The following MON2 variants were observed in gnomAD, a reference collection of about 807,000 sequenced individuals.
The protein encoded by MON2 is protein MON2 homolog.
A neutral mutation model predicts 208.6 loss-of-function variants in MON2; 84 were observed. The ratio of observed to expected loss-of-function variants is 0.40; its 90% CI spans 0.34 to 0.48. The LOEUF is 0.48. Among genes scored for constraint, MON2 ranks in the 20% least tolerant of loss-of-function variants. MON2 has a pLI of 0.59. For synonymous variants in MON2, 660 were observed against 694.0 expected (o/e 0.95, Z 0.77); for missense variants, 1,611 against 2,015.4 (o/e 0.80, Z 3.84).
chr12:62,501,226 T>C (rs999644232), intron 6 of MON2, among the ~76,000 whole-genome samples: 7 of 152,350 alleles, frequency 4.6e-5, no homozygotes, highest in African/African-American at 1.7e-4. Context: ...GATTTTTACA[T>C]CACTTGTCAT....
Position 62,560,743 on chromosome 12 carries a change from G to A in MON2, c.3662G>A (p.Arg1221Lys). The change falls in exon 26 of 35, where the codon AGA (arginine) becomes AAA (lysine). Residue 1221 changes from arginine (R) to lysine (K), a missense_variant. By Grantham distance (26) the Arg-to-Lys change is conservative. Coordinates refer to ENST00000393630, the MANE Select transcript of MON2 (RefSeq NM_015026.3). ...RTDSIGEKLG[R>K]YSSSEPPIVT... is the part of the protein sequence containing the mutation. ...GATTCCATTGGAGAAAAACTAGGAA[G>A]ATATAGTAGCTCTGAGCCACCCATT... 1 of 1,614,186 alleles carries A rather than the reference G, an allele frequency of 6.2e-7. No individual in the cohort carries two copies. The highest frequency in any genetic ancestry group is 8.5e-7 in the Non-Finnish European group (1 of 1,180,028).
At position 62,536,098 on chromosome 12, in the gene MON2, C is replaced by T. The variant is rs191722848; in HGVS notation, c.1900+389C>T. Among the ~76,000 whole-genome samples, 5 of 152,020 alleles carry T rather than the reference C, an allele frequency of 3.3e-5. No individual in the cohort carries two copies. The East Asian group carries it at 9.7e-4, about 29-fold the overall frequency. ...TCTGAAATCGGAAACAGTTGTGATC[C>T]TAAGCATTTCGGATAAGGGATACTC... On this transcript the variant is annotated intron_variant, in intron 14 of 34. Transcript: ENST00000393630.
intron 1 of MON2, among the ~76,000 whole-genome samples, chr12:62,470,152 C>A (rs1478648747): frequency 6.6e-6 from 1 of 152,044 alleles, no homozygotes; most frequent in Middle Eastern, 3.2e-3. Flanking sequence ...GGCAATCTGT[C>A]CACCTCCTAC....
chr12:62,551,954 C>T (rs1470947465), intron 23 of MON2, among the ~76,000 whole-genome samples: 1 of 152,144 alleles, frequency 6.6e-6, no homozygotes, highest in Non-Finnish European at 1.5e-5. Flanking sequence ...ATTCAACCAA[C>T]TATAAATAGA....
At chr12:62,549,196 A>T (rs2073631765) in intron 22 of MON2, among the ~76,000 whole-genome samples, 1 of 152,154 alleles carries the variant, frequency 6.6e-6, no homozygotes, top group African/African-American at 2.4e-5. Flanking sequence ...TTAAGTAAGC[A>T]TGTCTTTTTT....
intron 7 of MON2, among the ~76,000 whole-genome samples, chr12:62,505,468 A>G (rs2071050206): frequency 2.6e-5 from 4 of 152,332 alleles, no homozygotes; most frequent in Admixed American, 2.6e-4. Context: ...ATGAGCATAT[A>G]CAAGAGACTG....
At chr12:62,487,251 C>G (rs2069854399) in intron 2 of MON2, among the ~76,000 whole-genome samples, 1 of 152,012 alleles carries the variant, frequency 6.6e-6, no homozygotes, top group South Asian at 2.1e-4. Context: ...CTTAATCTTA[C>G]ATTTATTATA....
chr12:62,480,049 T>C (rs1022956478), intron 1 of MON2, among the ~76,000 whole-genome samples: 4 of 152,134 alleles, frequency 2.6e-5, no homozygotes, highest in African/African-American at 9.7e-5. Context: ...CAATAATCAT[T>C]GATAGTGAAA....
intron 1 of MON2, among the ~76,000 whole-genome samples, chr12:62,469,166 G>A (rs1196860543): frequency 1.4e-5 from 2 of 138,292 alleles, no homozygotes; most frequent in East Asian, 2.1e-4. Flanking sequence ...CTGGTCTCCT[G>A]AACTGGGTTC....
intron 1 of MON2, among the ~76,000 whole-genome samples, chr12:62,474,827 T>G (rs1246865475): frequency 2.0e-5 from 3 of 152,222 alleles, no homozygotes; most frequent in Non-Finnish European, 4.4e-5. Flanking sequence ...CCTACTTTAG[T>G]CATATTTGGC....
chr12:62,505,845 C>T (rs564144462), intron 7 of MON2, among the ~76,000 whole-genome samples: 1 of 152,086 alleles, frequency 6.6e-6, no homozygotes, highest in Admixed American at 6.5e-5. Flanking sequence ...GAGCCATGAT[C>T]ATACCACTGC....
intron 11 of MON2, among the ~76,000 whole-genome samples, chr12:62,527,947 T>G (rs888702575): frequency 2.0e-5 from 3 of 152,308 alleles, no homozygotes; most frequent in African/African-American, 7.2e-5. Context: ...CACTGTTTAT[T>G]GATACTGGAT....
At chr12:62,519,137 G>T (rs1483884581) in intron 8 of MON2, among the ~76,000 whole-genome samples, 3 of 152,150 alleles carry the variant, frequency 2.0e-5, no homozygotes, top group Non-Finnish European at 4.4e-5. Flanking sequence ...AAATAACCAT[G>T]TGGAAGAGGG....
chr12:62,572,853 A>G (rs1237141778), intron 30 of MON2, among the ~76,000 whole-genome samples: 1 of 152,194 alleles, frequency 6.6e-6, no homozygotes, highest in Non-Finnish European at 1.5e-5. Flanking sequence ...AGCCACTTAA[A>G]TTATGGATTT....
At chr12:62,584,412 T>C (rs1187584880) in intron 32 of MON2, among the ~76,000 whole-genome samples, 1 of 151,958 alleles carries the variant, frequency 6.6e-6, no homozygotes, top group Non-Finnish European at 1.5e-5. Flanking sequence ...CAAGGAAAAA[T>C]AAGGCATGAG....
chr12:62,494,969 C>A, intron 3 of MON2, 47 bp from the exon 4 acceptor site: 2 of 1,428,304 alleles, frequency 1.4e-6, no homozygotes, highest in Non-Finnish European at 1.9e-6. Flanking sequence ...GGGACATCAA[C>A]ATCTATATTG....
chr12:62,522,386 C>T lies in MON2; in HGVS notation c.985-2129C>T, dbSNP rs143766897. Among the ~76,000 whole-genome samples the T allele has an allele frequency of 5.4e-4, 82 of 152,322 alleles. 3 individuals are homozygous for T. In the East Asian group the frequency reaches 0.015, roughly 28 times the overall value. ...CTCGGACAAGCTCCTGACAAATAGA[C>T]TCCTACATGAATGTGCTACCAGATT... On this transcript the variant is annotated intron_variant, in intron 8 of 34. Transcript: ENST00000393630.
At chr12:62,542,018 A>C (rs1463970632) in intron 19 of MON2, among the ~76,000 whole-genome samples, 1 of 152,190 alleles carries the variant, frequency 6.6e-6, no homozygotes, top group East Asian at 1.9e-4. Flanking sequence ...TAGGTTACCC[A>C]AGGTTATATA....
chr12:62,520,840 A>AAT (rs566392242), intron 8 of MON2, among the ~76,000 whole-genome samples: 36 of 146,882 alleles, frequency 2.5e-4, no homozygotes, highest in African/African-American at 4.2e-4. Context: ...TATGTATAAT[A>AAT]ATATATATAT....
Sources: allele counts gnomAD v4.1 joint callset (sites outside exome capture counted in the v4.1 genomes callset), GRCh38; gene constraint gnomAD v4.1.1; transcripts MANE v1.5; gene names NCBI Gene and HGNC (gene_info 2026-07-23, HGNC 2026-07-21).